The following EML1 variants were observed in gnomAD, a reference collection of about 807,000 sequenced individuals.
The protein encoded by EML1 is EMAP like 1, also known as echinoderm microtubule-associated protein-like 1.
In EML1, 27 loss-of-function variants were observed where a neutral mutation model predicts 110.4. That is an observed-to-expected ratio of 0.24 (90% CI 0.18 to 0.34). The LOEUF (loss-of-function observed/expected upper bound fraction) is 0.34. Ranked by LOEUF, EML1 falls within the 10% of genes least tolerant of loss-of-function variation. The probability of loss-of-function intolerance (pLI) is 1.00; values close to 1 mark genes in which losing one functional copy is unlikely to be tolerated. For synonymous variants in EML1, 344 were observed against 385.8 expected, an observed-to-expected ratio of 0.89 and a Z score of 1.27; for missense variants, 741 against 1,030.9, an observed-to-expected ratio of 0.72 and a Z score of 3.85.
At position 99,827,667 on chromosome 14, in the gene EML1, G is replaced by A. The variant is rs61063870; in HGVS notation, c.68-23186G>A. On this transcript the variant is annotated intron_variant, in intron 1 of 21. Coordinates refer to ENST00000262233, the MANE Select transcript of EML1 (RefSeq NM_004434.3). The surrounding 1 kb of genome is among the most constrained non-coding windows in gnomAD (Gnocchi z 4.4). ...GAGATAAGACTTAGACACATAGAGG[G>A]GGCAACCACCTGAAAGGGAGAAGAC... is the stretch of plus-strand genomic sequence containing the variant. 0.042 allele frequency among the ~76,000 whole-genome samples: 6,344 copies of A among 149,330 alleles called. 453 individuals carry two copies. The highest frequency in any genetic ancestry group is 0.15 in the African/African-American group (6,009 of 40,772).
chr14:99,768,050 G>A (rs573002060), upstream of EML1, among the ~76,000 whole-genome samples: 2 of 152,284 alleles, frequency 1.3e-5, no homozygotes, highest in South Asian at 4.2e-4. Context: ...TAAATCAGGT[G>A]GAAGAGGCCA....
rs1429440595 is a variant in EML1, at chr14:99,889,447, C to T, written c.519-1752C>T. The stretch of plus-strand genomic sequence containing the variant: ...ATAGCCATGAACAGAAAGATCCCTG[C>T]CCCTGTGGAATTGCCTCCTGGTGGG... On this transcript the variant is annotated intron_variant, in intron 4 of 21. Coordinates refer to ENST00000262233, the MANE Select transcript of EML1 (RefSeq NM_004434.3). Among the ~76,000 whole-genome samples, 7 of 152,290 alleles carry T rather than the reference C, an allele frequency of 4.6e-5. No individual in the cohort carries two copies. In the East Asian group the frequency reaches 1.2e-3, roughly 25 times the overall value.
At chr14:99,921,062 C>T (rs1267558272) in intron 17 of EML1, among the ~76,000 whole-genome samples, 185 bp downstream of exon 17, 1 of 152,128 alleles carries the variant, frequency 6.6e-6, no homozygotes, top group Admixed American at 6.5e-5. Context: ...TCCTGATGCT[C>T]TCCCTCCCCC....
At chr14:99,743,456 T>A (rs960388880) in intron 1 of EML1, among the ~76,000 whole-genome samples, 1 of 152,138 alleles carries the variant, frequency 6.6e-6, no homozygotes, top group African/African-American at 2.4e-5. Flanking sequence ...TGGGATGTTG[T>A]TAGGCATGTC....
At chr14:99,860,890 T>G (rs975874706) in intron 2 of EML1, among the ~76,000 whole-genome samples, 3 of 152,168 alleles carry the variant, frequency 2.0e-5, no homozygotes, top group African/African-American at 7.2e-5. Context: ...TTCTACTTGC[T>G]TCTGATGCTA....
intron 1 of EML1, chr14:99,809,595 C>G: frequency 6.6e-6 from 3 of 455,864 alleles, no homozygotes; most frequent in Non-Finnish European, 8.8e-6. Flanking sequence ...ATGGCAGATG[C>G]CTTGAGATTT....
chr14:99,923,925 A>G (rs2060185826), intron 17 of EML1, among the ~76,000 whole-genome samples: 1 of 152,130 alleles, frequency 6.6e-6, no homozygotes, highest in African/African-American at 2.4e-5. Flanking sequence ...AAGTGTTGGG[A>G]TTACAGGTGT....
chr14:99,746,889 G>C (rs1334841887), intron 1 of EML1, among the ~76,000 whole-genome samples: 1 of 152,188 alleles, frequency 6.6e-6, no homozygotes, highest in Non-Finnish European at 1.5e-5. Context: ...AAGTGGCCGG[G>C]TGCTCTGGTT....
intron 2 of EML1, among the ~76,000 whole-genome samples, chr14:99,860,398 A>G (rs1391734762): frequency 6.6e-6 from 1 of 152,094 alleles, no homozygotes; most frequent in East Asian, 1.9e-4. Context: ...CCCTGCTGCT[A>G]TGTCACTTCT....
chr14:99,753,637 C>T (rs1391009326), intron 1 of EML1, among the ~76,000 whole-genome samples: 8 of 152,148 alleles, frequency 5.3e-5, no homozygotes, highest in Admixed American at 5.2e-4. Context: ...GTGTCTGCGT[C>T]TGCCTGATAG....
At position 99,825,632 on chromosome 14, in the gene EML1, G is replaced by T. The variant is rs7143886; in HGVS notation, c.68-25221G>T. ...AAATTTATGTTTCTGTGTTTTTCCT[G>T]TCAGCCTCTGAACTCCTGAAGGGCT... On this transcript the variant is annotated intron_variant, in intron 1 of 21. Transcript: ENST00000262233. Among the ~76,000 whole-genome samples, 1,097 of 152,174 alleles carry T rather than the reference G, an allele frequency of 7.2e-3. 10 individuals are homozygous for T. Among genetic ancestry groups the T allele is most frequent in the African/African-American group, 0.025 (1,034 of 41,514 alleles).
Position 99,935,769 on chromosome 14 carries a change from G to A in EML1, c.1910-260G>A, listed in dbSNP as rs1290093743. 5.8e-5 allele frequency among the ~76,000 whole-genome samples: 7 copies of A among 120,422 alleles called. No individual in the cohort carries two copies. In the East Asian group the frequency reaches 1.3e-3, roughly 22 times the overall value. The allele number at this position is 120,422 out of a possible 152,430, so 79.0% of individuals were successfully genotyped here. A position where few individuals can be genotyped will look rare whatever the true frequency, so the allele number is the denominator to read the frequency against. ...CTGCACTCCGGCCTGGCGACAGAGC[G>A]AGACTCCGTCTCAAAAAAAAAAAAA... is the stretch of plus-strand genomic sequence containing the variant. On this transcript the variant is annotated intron_variant, in intron 17 of 21. Transcript: ENST00000262233.
chr14:99,933,334 T>C (rs2140126133), intron 17 of EML1, among the ~76,000 whole-genome samples: 1 of 152,208 alleles, frequency 6.6e-6, no homozygotes, highest in Admixed American at 6.5e-5. Flanking sequence ...TGCCACTGCC[T>C]CCAGCTAATT....
At chr14:99,909,118 C>G (rs2059905089) in intron 10 of EML1, among the ~76,000 whole-genome samples, 2 of 152,166 alleles carry the variant, frequency 1.3e-5, no homozygotes, top group Non-Finnish European at 2.9e-5. Context: ...TCCCTGTCCT[C>G]AAGGGCTCAT....
At chr14:99,836,168 G>A (rs958126273) in intron 1 of EML1, among the ~76,000 whole-genome samples, 5 of 151,712 alleles carry the variant, frequency 3.3e-5, no homozygotes, top group Admixed American at 3.3e-4. Flanking sequence ...CGTGAACATG[G>A]AATATATCTC....
intron 19 of EML1, among the ~76,000 whole-genome samples, chr14:99,937,263 T>C (rs2060492076): frequency 6.6e-6 from 1 of 152,206 alleles, no homozygotes. Flanking sequence ...GTCCAGCTCC[T>C]GCCTGACACA....
At chr14:99,876,411 C>T (rs1395720913) in intron 3 of EML1, among the ~76,000 whole-genome samples, 1 of 152,220 alleles carries the variant, frequency 6.6e-6, no homozygotes, top group African/African-American at 2.4e-5. Flanking sequence ...CTCACCCCCT[C>T]CTCTGTGCAG....
chr14:99,788,416 T>A (rs77114326), upstream of EML1, among the ~76,000 whole-genome samples: 40 of 152,252 alleles, frequency 2.6e-4, 1 homozygote, highest in African/African-American at 9.4e-4. Flanking sequence ...AGTCCAAAAT[T>A]GTCTATTCCA....
chr14:99,775,376 G>A (rs766677717), intron 1 of EML1, among the ~76,000 whole-genome samples: 4 of 152,182 alleles, frequency 2.6e-5, no homozygotes, highest in African/African-American at 9.7e-5. Context: ...GGGAAGAGCC[G>A]GCTCCCGGAA....
Sources: allele counts gnomAD v4.1 joint callset (sites outside exome capture counted in the v4.1 genomes callset), GRCh38; gene constraint gnomAD v4.1.1; non-coding constraint Gnocchi (gnomAD v3.1); transcripts MANE v1.5; gene names NCBI Gene and HGNC (gene_info 2026-07-23, HGNC 2026-07-21).